The following ITFG1 variants were observed in gnomAD, a reference collection of about 807,000 sequenced individuals.
ITFG1 encodes integrin alpha FG-GAP repeat containing 1, also known as T-cell immunomodulatory protein.
Under a neutral mutation model 81.8 loss-of-function variants are expected in ITFG1, and 34 were observed. The observed-to-expected ratio is 0.42, with a 90% CI of 0.32 to 0.55. The LOEUF is 0.55. Among genes scored for constraint, ITFG1 ranks in the 20% least tolerant of loss-of-function variants. The pLI is 0.17. For synonymous variants in ITFG1, 285 were observed against 270.6 expected (o/e 1.05, Z -0.52); for missense variants, 672 against 755.4 (o/e 0.89, Z 1.29).
At chr16:47,407,938 G>A (rs895637514) in intron 6 of ITFG1, among the ~76,000 whole-genome samples, 2 of 149,898 alleles carry the variant, frequency 1.3e-5, no homozygotes, top group Non-Finnish European at 2.9e-5. Flanking sequence ...CCAAGAGTGT[G>A]CAAAGAAAGA....
rs572147760 is a variant in ITFG1, at chr16:47,429,926, G to A, written c.561-1028C>T. 1.6e-4 allele frequency among the ~76,000 whole-genome samples: 24 copies of A among 151,856 alleles called. 1 individual carries two copies. Among genetic ancestry groups the A allele is most frequent in the Admixed American group, 1.3e-3 (20 of 15,216 alleles). ...ATCTTCCTTCCTTGGCCTCTCAAAG[G>A]GCTGGGATTATAAGACCATTACCCT... is the stretch of plus-strand genomic sequence containing the variant. On this transcript the variant is annotated intron_variant, in intron 5 of 17. Transcript: ENST00000320640.
At chr16:47,249,478 C>G (rs745842254) in intron 12 of ITFG1, among the ~76,000 whole-genome samples, 21 of 151,854 alleles carry the variant, frequency 1.4e-4, no homozygotes, top group Non-Finnish European at 2.6e-4. Context: ...TGTGTAATAC[C>G]CTTTTAAATG....
intron 6 of ITFG1, among the ~76,000 whole-genome samples, chr16:47,403,023 A>G (rs1204065020): frequency 6.6e-6 from 1 of 152,218 alleles, no homozygotes; most frequent in Non-Finnish European, 1.5e-5. Context: ...GATCATAAAG[A>G]GGGTCTATAA....
At chr16:47,381,388 T>A (rs1968394148) in intron 6 of ITFG1, among the ~76,000 whole-genome samples, 1 of 152,230 alleles carries the variant, frequency 6.6e-6, no homozygotes, top group African/African-American at 2.4e-5. Flanking sequence ...CTATTCATAA[T>A]ATTATTTTGA....
chr16:47,321,118 C>T (rs1399070548), intron 8 of ITFG1, among the ~76,000 whole-genome samples: 4 of 152,188 alleles, frequency 2.6e-5, no homozygotes, highest in Non-Finnish European at 5.9e-5. Context: ...CTTCCACCAT[C>T]TGGAAAATCT....
intron 6 of ITFG1, among the ~76,000 whole-genome samples, chr16:47,398,377 T>G (rs550981980): frequency 6.6e-6 from 1 of 152,310 alleles, no homozygotes; most frequent in Non-Finnish European, 1.5e-5. Context: ...TTGGAAATAT[T>G]CACTAAAGCT....
At chr16:47,303,163 C>A (rs1451897668) in intron 10 of ITFG1, among the ~76,000 whole-genome samples, 1 of 151,962 alleles carries the variant, frequency 6.6e-6, no homozygotes, top group Non-Finnish European at 1.5e-5. Context: ...CCCAGGTACT[C>A]TGGAGGCTGA....
At position 47,292,929 on chromosome 16, in the gene ITFG1, T is replaced by C. The variant is rs191453163; in HGVS notation, c.1070+18311A>G. ...GAAACTTGACTTTGTTTCTGAATTG[T>C]TTAAATTAAGATAATGGCCTCCAAT... is the stretch of plus-strand genomic sequence containing the variant. On this transcript the variant is annotated intron_variant, in intron 10 of 17. Coordinates refer to ENST00000320640, the MANE Select transcript of ITFG1 (RefSeq NM_030790.5). 1.6e-4 allele frequency among the ~76,000 whole-genome samples: 25 copies of C among 151,522 alleles called. No homozygotes were observed. In the East Asian group the frequency reaches 4.8e-3, roughly 29 times the overall value.
At chr16:47,337,802 G>A (rs952576856) in intron 8 of ITFG1, among the ~76,000 whole-genome samples, 1 of 152,242 alleles carries the variant, frequency 6.6e-6, no homozygotes, top group South Asian at 2.1e-4. Context: ...GCCAGGGCAA[G>A]ATGTGTGCTC....
At chr16:47,308,389 T>C (rs953635631) in intron 10 of ITFG1, among the ~76,000 whole-genome samples, 9 of 152,180 alleles carry the variant, frequency 5.9e-5, no homozygotes, top group Non-Finnish European at 5.9e-5. Context: ...TCCATGCCTT[T>C]TGAAAAAGTA....
intron 14 of ITFG1, among the ~76,000 whole-genome samples, chr16:47,180,816 A>C (rs975054218): frequency 1.3e-4 from 20 of 151,746 alleles, no homozygotes; most frequent in Non-Finnish European, 2.2e-4. Context: ...CCGTCTGGGA[A>C]GTGAGGAGCG....
chr16:47,399,389 C>T (rs559839212), intron 6 of ITFG1, among the ~76,000 whole-genome samples: 11 of 152,078 alleles, frequency 7.2e-5, no homozygotes, highest in Admixed American at 3.3e-4. Flanking sequence ...CTGGCTAACA[C>T]GGTGAAACCC....
rs1269843863 is a variant in ITFG1, at chr16:47,459,109, G to A, written c.275C>T (p.Ser92Phe). 6.4e-7 allele frequency: 1 copy of A among 1,561,558 alleles called. No homozygotes were observed. Among genetic ancestry groups the A allele is most frequent in the South Asian group, 1.1e-5 (1 of 89,944 alleles). Residue 92 changes from serine (S) to phenylalanine (F), a missense_variant, in exon 2 of 18, where the codon TCT (serine) becomes TTT (phenylalanine). Ser to Phe is a radical substitution (Grantham distance 155). Transcript: ENST00000320640. ...APYFKPKVKV[S>F]FKNHSALITS... ...TAATCATATTTGTACTTACTTGAAA[G>A]ATACCTTTACTTTGGGTTTAAAATA...
At chr16:47,202,715 A>G (rs1445779011) in intron 14 of ITFG1, among the ~76,000 whole-genome samples, 1 of 152,180 alleles carries the variant, frequency 6.6e-6, no homozygotes, top group Non-Finnish European at 1.5e-5. Context: ...TCTTGAATAG[A>G]TATTTTTCCA....
Position 47,260,545 on chromosome 16 carries a change from A to G in ITFG1, c.1221T>C (p.Asp407=), listed in dbSNP as rs1966196882. The G allele has an allele frequency of 6.2e-7, 1 of 1,614,166 alleles. No homozygotes were observed. Among genetic ancestry groups the G allele is most frequent in the South Asian group, 1.1e-5 (1 of 91,084 alleles). ...MVATFFDIYE[D]GILDIVVLSK... The stretch of plus-strand genomic sequence containing the variant: ...ACACACAGCCCAGCTCTGAACTCAC[A>G]TCTTCGTAAATGTCAAAGAAGGTGG... Residue 407 remains aspartate, a splice_region_variant and synonymous_variant, in exon 11 of 18, where the codon GAT becomes GAC. Coordinates refer to ENST00000320640, the MANE Select transcript of ITFG1 (RefSeq NM_030790.5).
intron 6 of ITFG1, among the ~76,000 whole-genome samples, chr16:47,407,634 A>G (rs1301910926): frequency 1.3e-5 from 2 of 152,226 alleles, no homozygotes; most frequent in African/African-American, 4.8e-5. Context: ...GAAGTGAGCC[A>G]CTGCGCCCAG....
intron 13 of ITFG1, among the ~76,000 whole-genome samples, chr16:47,221,119 C>T (rs1468675963): frequency 1.3e-5 from 2 of 152,064 alleles, no homozygotes; most frequent in Non-Finnish European, 2.9e-5. Context: ...GATCCATTCC[C>T]AGAGAAATGT....
intron 8 of ITFG1, among the ~76,000 whole-genome samples, chr16:47,348,721 T>C (rs1421776984): frequency 6.6e-6 from 1 of 152,108 alleles, no homozygotes; most frequent in Non-Finnish European, 1.5e-5. Context: ...ACCACAAAGA[T>C]ACTCCTTGAG....
At chr16:47,317,309 T>C (rs1021563814) in intron 8 of ITFG1, among the ~76,000 whole-genome samples, 3 of 152,220 alleles carry the variant, frequency 2.0e-5, no homozygotes, top group African/African-American at 7.2e-5. Flanking sequence ...GTTATTGTTC[T>C]TGTCATAAAA....
Sources: gnomAD v4.1 joint callset for allele counts (sites outside exome capture counted in the v4.1 genomes callset) on GRCh38, gnomAD v4.1.1 for gene constraint, MANE v1.5 for transcripts, NCBI Gene and HGNC (gene_info 2026-07-23, HGNC 2026-07-21) for gene names.